Variants in ABCB1 observed in about 807,000 individuals in gnomAD.
The protein encoded by ABCB1 is ATP binding cassette subfamily B member 1, also known as ATP-dependent translocase ABCB1.
A neutral mutation model predicts 142.0 loss-of-function variants in ABCB1; 69 were observed. The ratio of observed to expected loss-of-function variants is 0.49; its 90% confidence interval spans 0.40 to 0.59. The LOEUF is 0.59. Among genes scored for constraint, ABCB1 ranks in the 20% least tolerant of loss-of-function variants. The pLI is 0.00. For synonymous variants in ABCB1, 532 were observed against 539.2 expected (o/e 0.99, Z 0.18); for missense variants, 1,326 against 1,554.7 (o/e 0.85, Z 2.47).
intron 3 of ABCB1, among the ~76,000 whole-genome samples, chr7:87,586,087 C>T (rs1034185571): frequency 6.6e-6 from 1 of 152,144 alleles, no homozygotes; most frequent in Non-Finnish European, 1.5e-5. Flanking sequence ...ATGGAGGAAA[C>T]ATTGTGTTGC....
intron 21 of ABCB1, 156 bp from the exon 22 acceptor site, chr7:87,521,032 A>G (rs540677723): frequency 2.3e-5 from 15 of 651,760 alleles, no homozygotes; most frequent in Non-Finnish European, 3.8e-5. Context: ...TAAGTAATTT[A>G]TCAAACTGAG....
At position 87,503,928 on chromosome 7, in the gene ABCB1, T is replaced by C. The variant is rs201002290; in HGVS notation, c.*315A>G. ...ACATTTCAATACTTTTTGCTACTTC[T>C]ATAATCTTTTAGCAAGGCAGTCAGT... On this transcript the variant is annotated 3_prime_UTR_variant, in exon 28 of 28. Transcript: ENST00000622132. The C allele has an allele frequency of 1.0e-5, 4 of 392,572 alleles. No homozygotes were observed. The highest frequency in any genetic ancestry group is 7.9e-5 in the South Asian group (3 of 37,862). The allele number at this position is 392,572 out of a possible 1,614,324, so 24.3% of individuals were successfully genotyped here.
At chr7:87,631,825 A>G (rs1292098190) in intron 1 of ABCB1, among the ~76,000 whole-genome samples, 3 of 152,146 alleles carry the variant, frequency 2.0e-5, no homozygotes, top group African/African-American at 7.2e-5. Context: ...AAGCCATGCA[A>G]CCTTTCCATT....
chr7:87,517,080 T>C (rs1297759944), intron 23 of ABCB1, among the ~76,000 whole-genome samples: 2 of 152,126 alleles, frequency 1.3e-5, no homozygotes, highest in African/African-American at 4.8e-5. Context: ...CCTCTAATAG[T>C]TATAAAACAG....
chr7:87,619,746 A>ATG lies in ABCB1; in HGVS notation c.-330-18670_-330-18669dup, dbSNP rs778899617. Among the ~76,000 whole-genome samples, 968 of 145,996 alleles carry ATG rather than the reference A, an allele frequency of 6.6e-3. 6 individuals are homozygous for ATG. The highest frequency in any genetic ancestry group is 0.031 in the South Asian group (145 of 4,634). ...TTTATATATACACACACACAAACAC[A>ATG]TGTGTGTGTGTGTGTGTGTATATAT... On this transcript the variant is annotated intron_variant, in intron 1 of 28. Transcript: ENST00000265724.
chr7:87,618,369 A>G (rs932517987), intron 1 of ABCB1, among the ~76,000 whole-genome samples: 5 of 152,180 alleles, frequency 3.3e-5, no homozygotes, highest in African/African-American at 1.2e-4. Flanking sequence ...TTAATGGGCA[A>G]CTAAAAAATA....
At chr7:87,579,700 G>A (rs1818425734) in intron 4 of ABCB1, among the ~76,000 whole-genome samples, 1 of 151,734 alleles carries the variant, frequency 6.6e-6, no homozygotes, top group African/African-American at 2.4e-5. Flanking sequence ...TTTGTTTGTT[G>A]TTTTTTGTGA....
At chr7:87,624,828 A>G (rs1820347455) in intron 1 of ABCB1, among the ~76,000 whole-genome samples, 1 of 152,188 alleles carries the variant, frequency 6.6e-6, no homozygotes, top group African/African-American at 2.4e-5. Context: ...TAAGGCCCCC[A>G]TGTGGCAGTG....
At chr7:87,609,894 A>C (rs1000657112) in intron 1 of ABCB1, among the ~76,000 whole-genome samples, 1 of 152,186 alleles carries the variant, frequency 6.6e-6, no homozygotes, top group Non-Finnish European at 1.5e-5. Context: ...TACAAGTTGC[A>C]CTTTGGTTGT....
intron 1 of ABCB1, among the ~76,000 whole-genome samples, chr7:87,610,243 T>C (rs892284620): frequency 6.7e-6 from 1 of 148,738 alleles, no homozygotes; most frequent in Non-Finnish European, 1.5e-5. Flanking sequence ...TTTTTTTTTT[T>C]TTTTTTTTTT....
At chr7:87,519,171 T>C (rs181168732) in intron 23 of ABCB1, among the ~76,000 whole-genome samples, 155 bp downstream of exon 23, 2 of 152,356 alleles carry the variant, frequency 1.3e-5, no homozygotes, top group East Asian at 3.9e-4. Context: ...GGTGCTTCAA[T>C]GGTGGCACAT....
chr7:87,666,867 A>G (rs1825305663), intron 1 of ABCB1, among the ~76,000 whole-genome samples: 1 of 152,154 alleles, frequency 6.6e-6, no homozygotes, highest in Non-Finnish European at 1.5e-5. Flanking sequence ...TTGTACCAGT[A>G]CCATGCTGTT....
chr7:87,648,001 G>A (rs904172331), intron 1 of ABCB1, among the ~76,000 whole-genome samples: 1 of 151,916 alleles, frequency 6.6e-6, no homozygotes, highest in African/African-American at 2.4e-5. Context: ...TGGCTAACAT[G>A]GTGAAACCCC....
chr7:87,687,378 A>G (rs540412216), intron 1 of ABCB1, among the ~76,000 whole-genome samples: 10 of 152,264 alleles, frequency 6.6e-5, no homozygotes, highest in East Asian at 5.8e-4. Context: ...CCCTTCCACT[A>G]TATTTTAAAT....
At chr7:87,652,149 A>T (rs546988535) in intron 1 of ABCB1, among the ~76,000 whole-genome samples, 1 of 152,132 alleles carries the variant, frequency 6.6e-6, no homozygotes, top group Non-Finnish European at 1.5e-5. Context: ...AGCATATGGA[A>T]TAGAATAGAC....
At position 87,536,512 on chromosome 7, in the gene ABCB1, G is replaced by A. The variant is rs1816301814; in HGVS notation, c.2427C>T (p.Asn809=). ...QDVSWFDDPK[N]TTGALTTRLA... ...GCCTGGTAGTCAATGCTCCAGTGGT[G>A]TTTTTAGGGTCATCAAACCAACTCA... The change falls in exon 20 of 28, where the codon AAC becomes AAT. Residue 809 remains asparagine (N), a synonymous_variant. Transcript: ENST00000622132. 2 of 1,613,920 alleles carry A rather than the reference G, an allele frequency of 1.2e-6. No individual in the cohort carries two copies. The highest frequency in any genetic ancestry group is 1.7e-6 in the Non-Finnish European group (2 of 1,179,902).
chr7:87,635,780 AC>A (rs1355419644), intron 1 of ABCB1, among the ~76,000 whole-genome samples: 1 of 152,136 alleles, frequency 6.6e-6, no homozygotes, highest in Non-Finnish European at 1.5e-5. Flanking sequence ...TGTAGTTAAT[AC>A]CCTGGTTTTT....
intron 1 of ABCB1, among the ~76,000 whole-genome samples, chr7:87,687,126 T>A (rs1354714025): frequency 6.6e-6 from 1 of 152,180 alleles, no homozygotes; most frequent in Admixed American, 6.5e-5. Flanking sequence ...TGACTCACAT[T>A]CAGTTTAGAT....
Position 87,524,598 on chromosome 7 carries a change from G to C in ABCB1, c.2686-3722C>G, listed in dbSNP as rs1038082493. ...GGGGCCTGTTGTGGGGTAGAGGGAAGGGGGGAGGGATAGCATTAGGAGATA... is the reference window on the plus strand; with the variant it reads ...GGGGCCTGTTGTGGGGTAGAGGGAACGGGGGAGGGATAGCATTAGGAGATA... On this transcript the variant is annotated intron_variant, in intron 21 of 27. Transcript: ENST00000622132. Among the ~76,000 whole-genome samples, 32 of 152,054 alleles carry C rather than the reference G, an allele frequency of 2.1e-4. 1 individual carries two copies. Among genetic ancestry groups the C allele is most frequent in the Middle Eastern group, 3.2e-3 (1 of 316 alleles).
Sources: gnomAD v4.1 joint callset for allele counts (sites outside exome capture counted in the v4.1 genomes callset) on GRCh38, gnomAD v4.1.1 for gene constraint, MANE v1.5 for transcripts, NCBI Gene and HGNC (gene_info 2026-07-23, HGNC 2026-07-21) for gene names.